The following RBFOX1 variants were observed in gnomAD, a reference collection of about 807,000 sequenced individuals.
The protein encoded by RBFOX1 is RNA binding protein fox-1 homolog 1.
Under a neutral mutation model 57.7 loss-of-function variants are expected in RBFOX1, and 8 were observed. The observed-to-expected ratio is 0.14, with a 90% CI of 0.08 to 0.25. The LOEUF (loss-of-function observed/expected upper bound fraction) is 0.25, where lower values mean the gene tolerates loss of function less well. Among genes scored for constraint, RBFOX1 ranks in the 10% least tolerant of loss-of-function variants. The pLI is 1.00. For synonymous variants in RBFOX1, 326 were observed against 222.4 expected, an observed-to-expected ratio of 1.47 and a Z score of -4.15; for missense variants, 611 against 548.5, an observed-to-expected ratio of 1.11 and a Z score of -1.14.
In RBFOX1 at chr16:6,701,135, A is replaced by ACGTGTGTGTGTGTGTGTGTG. The variant is rs1555706825; in HGVS notation, c.-16+46485_-16+46486insCGTGTGTGTGTGTGTGTGTG. On this transcript the variant is annotated intron_variant, in intron 3 of 15. Coordinates refer to ENST00000550418, the MANE Select transcript of RBFOX1 (RefSeq NM_018723.4). Reference sequence around the variant, plus strand: ...AGTTTATCAGTGTCTCTGTGTGTGTATGTGTGTGTGTGTGTGTGTGTGTTT... The same window carrying ACGTGTGTGTGTGTGTGTGTG: ...AGTTTATCAGTGTCTCTGTGTGTGTACGTGTGTGTGTGTGTGTGTGTGTGTGTGTGTGTGTGTGTGTGTTT... 2.7e-5 allele frequency among the ~76,000 whole-genome samples: 4 copies of ACGTGTGTGTGTGTGTGTGTG among 149,216 alleles called. No homozygotes were observed. In the East Asian group the frequency reaches 8.0e-4, roughly 30 times the overall value.
At chr16:5,370,370 G>A (rs1209215593) in intron 1 of RBFOX1, among the ~76,000 whole-genome samples, 1 of 151,592 alleles carries the variant, frequency 6.6e-6, no homozygotes, top group Non-Finnish European at 1.5e-5. Flanking sequence ...CCTCCCTGGT[G>A]CCAGATGCTA....
At chr16:7,384,240 G>C (rs892627434) in intron 4 of RBFOX1, among the ~76,000 whole-genome samples, 1 of 151,678 alleles carries the variant, frequency 6.6e-6, no homozygotes, top group Admixed American at 6.6e-5. Flanking sequence ...AATATGAAAA[G>C]CAAGGAGTAT....
chr16:6,093,273 G>A (rs2096202147), intron 1 of RBFOX1, among the ~76,000 whole-genome samples: 1 of 152,104 alleles, frequency 6.6e-6, no homozygotes, highest in Non-Finnish European at 1.5e-5. Flanking sequence ...AAGAATAGAA[G>A]CAATTGATTT....
At chr16:6,743,655 A>T (rs1053426876) in intron 3 of RBFOX1, among the ~76,000 whole-genome samples, 3 of 151,886 alleles carry the variant, frequency 2.0e-5, no homozygotes, top group Non-Finnish European at 4.4e-5. Flanking sequence ...AGGTGTCAGT[A>T]TCACTTGAGC....
At chr16:6,253,332 G>T (rs542480866) in intron 1 of RBFOX1, among the ~76,000 whole-genome samples, 1 of 152,220 alleles carries the variant, frequency 6.6e-6, no homozygotes, top group African/African-American at 2.4e-5. Context: ...TGTCACTGAC[G>T]TTGCACCTAC....
At chr16:7,130,828 T>C (rs75606598) in intron 4 of RBFOX1, among the ~76,000 whole-genome samples, 3,810 of 152,252 alleles carry the variant, frequency 0.025, 163 homozygotes, top group African/African-American at 0.086. Flanking sequence ...AAGAACACTT[T>C]CTCATCTCAT....
At chr16:5,948,094 C>G (rs1474885078) in intron 4 of RBFOX1, among the ~76,000 whole-genome samples, 1 of 151,956 alleles carries the variant, frequency 6.6e-6, no homozygotes, top group Non-Finnish European at 1.5e-5. Context: ...CATGGTGAGT[C>G]TATGTTTGCA....
rs921205617 is a variant in RBFOX1 at position 7,711,505 on chromosome 16, G to C, written c.*760G>C. The C allele has an allele frequency of 4.6e-5, 7 of 152,318 alleles. No individual in the cohort carries two copies. Among genetic ancestry groups the C allele is most frequent in the Admixed American group, 1.3e-4 (2 of 15,244 alleles). The allele number at this position is 152,318 out of a possible 1,614,324, so 9.4% of individuals were successfully genotyped here. A position where few individuals can be genotyped will look rare whatever the true frequency, so the allele number is the denominator to read the frequency against. On this transcript the variant is annotated 3_prime_UTR_variant, in exon 16 of 16. Transcript: ENST00000550418. ...AAGCATTCTTTTTATATTTCTTCCA[G>C]TATAATAAATTATTGATATCACTGC...
At chr16:6,886,456 A>G (rs946557236) in intron 3 of RBFOX1, among the ~76,000 whole-genome samples, 6 of 152,144 alleles carry the variant, frequency 3.9e-5, no homozygotes, top group South Asian at 2.1e-4. Flanking sequence ...CCAATTTCCA[A>G]GATATGAAAA....
At chr16:6,677,217 G>C (rs1433569180) in intron 3 of RBFOX1, among the ~76,000 whole-genome samples, 3 of 152,136 alleles carry the variant, frequency 2.0e-5, no homozygotes, top group African/African-American at 7.2e-5. Flanking sequence ...ACTACAACTA[G>C]AATACAGGTT....
In RBFOX1 at chr16:5,387,325, A is replaced by AAC. The variant is rs982671304; in HGVS notation, c.220-79882_220-79881dup. Among the ~76,000 whole-genome samples the AAC allele has an allele frequency of 1.8e-3, 280 of 152,298 alleles. 3 individuals are homozygous for AAC. Among genetic ancestry groups the AAC allele is most frequent in the African/African-American group, 6.4e-3 (264 of 41,554 alleles). The stretch of plus-strand genomic sequence containing the variant: ...TTCCACCCCCACCTGTAGAGATTTA[A>AAC]ACACACACACTTCTATTTTCCCTTA... On this transcript the variant is annotated intron_variant, in intron 1 of 2. Transcript: ENST00000585867.
chr16:7,378,316 C>G (rs1470430417), intron 4 of RBFOX1, among the ~76,000 whole-genome samples: 1 of 152,160 alleles, frequency 6.6e-6, no homozygotes, highest in African/African-American at 2.4e-5. Flanking sequence ...GACGAAGCTT[C>G]TATCTTTCAG....
intron 1 of RBFOX1, among the ~76,000 whole-genome samples, chr16:5,453,345 A>G (rs1359014120): frequency 1.3e-5 from 2 of 152,208 alleles, no homozygotes; most frequent in African/African-American, 4.8e-5. Flanking sequence ...AGAGAGATTG[A>G]TGGGAGTAGG....
At chr16:6,394,528 A>C (rs371146977) in intron 2 of RBFOX1, among the ~76,000 whole-genome samples, 1 of 152,228 alleles carries the variant, frequency 6.6e-6, no homozygotes, top group Non-Finnish European at 1.5e-5. Flanking sequence ...TGATTCTGAA[A>C]GGATGAGAAA....
At chr16:7,059,711 C>T (rs2053640460) in intron 4 of RBFOX1, among the ~76,000 whole-genome samples, 1 of 152,174 alleles carries the variant, frequency 6.6e-6, no homozygotes, top group African/African-American at 2.4e-5. Context: ...ATGTGCACAG[C>T]ATCCTATGTA....
At chr16:5,409,065 G>T (rs545542624) in intron 1 of RBFOX1, among the ~76,000 whole-genome samples, 86 of 152,212 alleles carry the variant, frequency 5.7e-4, no homozygotes, top group Non-Finnish European at 1.2e-3. Context: ...AGATGGAGCT[G>T]TGCTAAGTGT....
chr16:6,626,629 G>A (rs1408331617), intron 2 of RBFOX1, among the ~76,000 whole-genome samples: 2 of 152,072 alleles, frequency 1.3e-5, no homozygotes, highest in African/African-American at 4.8e-5. Flanking sequence ...GTATGGTGGT[G>A]CGCACCTGTA....
At chr16:6,267,843 T>C (rs1473152530) in intron 1 of RBFOX1, among the ~76,000 whole-genome samples, 1 of 152,184 alleles carries the variant, frequency 6.6e-6, no homozygotes, top group Non-Finnish European at 1.5e-5. Context: ...TGACAGTTTC[T>C]TAGCCTGCAA....
intron 4 of RBFOX1, among the ~76,000 whole-genome samples, chr16:7,057,410 T>A (rs373303933): frequency 6.6e-6 from 1 of 152,214 alleles, no homozygotes; most frequent in East Asian, 1.9e-4. Flanking sequence ...TGTTTCTGTT[T>A]ATGGGTCCAC....
Sources: allele counts gnomAD v4.1 joint callset (sites outside exome capture counted in the v4.1 genomes callset), GRCh38; gene constraint gnomAD v4.1.1; transcripts MANE v1.5; gene names NCBI Gene and HGNC (gene_info 2026-07-23, HGNC 2026-07-21).